Variants in TRA2B observed in about 807,000 individuals in gnomAD.
The protein encoded by TRA2B is transformer 2 beta homolog.
A neutral mutation model predicts 41.7 loss-of-function variants in TRA2B; 14 were observed. The ratio of observed to expected loss-of-function variants is 0.34; its 90% CI spans 0.22 to 0.53. TRA2B has a LOEUF of 0.53. TRA2B is among the 20% of genes least tolerant of loss of function. The pLI, the probability that TRA2B is intolerant of heterozygous loss-of-function variation, is 0.95. For synonymous variants in TRA2B, 130 were observed against 128.8 expected (o/e 1.01, Z -0.06); for missense variants, 167 against 396.8 (o/e 0.42, Z 4.92).
intron 4 of TRA2B, 97 bp downstream of exon 4, chr3:185,923,699 A>T: frequency 8.5e-7 from 1 of 1,180,144 alleles, no homozygotes; most frequent in Non-Finnish European, 1.2e-6. Flanking sequence ...TCGAAGTATT[A>T]CTGACTTGTC....
intron 1 of TRA2B, chr3:185,931,629 ATTTCT>A (rs1744156797): frequency 7.7e-7 from 1 of 1,293,528 alleles, no homozygotes; most frequent in Non-Finnish European, 9.8e-7. Context: ...CTTCATTTTT[ATTTCT>A]TTTCTTCATT....
intron 2 of TRA2B, among the ~76,000 whole-genome samples, chr3:185,926,350 T>C (rs1445121721): frequency 6.6e-6 from 1 of 152,182 alleles, no homozygotes; most frequent in African/African-American, 2.4e-5. Context: ...GTATTACTAA[T>C]TTGCCTTTTA....
chr3:185,931,725 C>A, intron 1 of TRA2B: 2 of 1,424,048 alleles, frequency 1.4e-6, no homozygotes, highest in South Asian at 3.0e-5. Flanking sequence ...GACTTCTGGT[C>A]TGATAATTAG....
chr3:185,930,733 A>G (rs373297462), intron 1 of TRA2B, among the ~76,000 whole-genome samples: 30 of 152,320 alleles, frequency 2.0e-4, no homozygotes, highest in Non-Finnish European at 3.2e-4. Context: ...GAATTTCTCA[A>G]TAAGTGCAAG....
At position 185,923,976 on chromosome 3, in the gene TRA2B, A is replaced by G. The variant is rs1743838545; in HGVS notation, c.342T>C (p.Pro114=). ...RRRHVGNRAN[P]DPNCCLGVFG... ...ATACTCCAAGACAACAGTTAGGATC[A>G]GGATTTGCCTAGGGAAAAAAAAAAG... is the stretch of plus-strand genomic sequence containing the variant. The change falls in exon 4 of 9, where the codon CCT becomes CCC. Residue 114 remains proline, a synonymous_variant. Coordinates refer to ENST00000453386, the MANE Select transcript of TRA2B (RefSeq NM_004593.3). 6.3e-7 allele frequency: 1 copy of G among 1,590,910 alleles called. No homozygotes were observed. Among genetic ancestry groups the G allele is most frequent in the East Asian group, 2.2e-5 (1 of 44,780 alleles).
rs780781209 is a variant in TRA2B, at chr3:185,915,122, C to T, written c.*2593G>A. On this transcript the variant is annotated 3_prime_UTR_variant, in exon 9 of 9. Coordinates refer to ENST00000453386, the MANE Select transcript of TRA2B (RefSeq NM_004593.3). ...AATCTGCTGTTGCTGATCTGACAGG[C>T]GGCGGAGCTCAGGCAATCCATGGCC... Among the ~76,000 whole-genome samples the T allele has an allele frequency of 7.2e-5, 11 of 152,138 alleles. No homozygotes were observed. Among genetic ancestry groups the T allele is most frequent in the African/African-American group, 1.7e-4 (7 of 41,444 alleles).
chr3:185,925,584 T>A lies in TRA2B; in HGVS notation c.213A>T (p.Ser71=). ...RRSSRRHYTR[S]RSRSRSHRRS... is the part of the protein sequence containing the mutation. ...GTCTATGGGAGCGGGAGCGAGACCG[T>A]GACCGGGTATAATGCCTTCGGGAGC... is the stretch of plus-strand genomic sequence containing the variant. Residue 71 remains serine (S), a synonymous_variant, in exon 3 of 9, where the codon TCA becomes TCT. Coordinates refer to ENST00000453386, the MANE Select transcript of TRA2B (RefSeq NM_004593.3). 1 of 1,614,144 alleles carries A rather than the reference T, an allele frequency of 6.2e-7. No individual in the cohort carries two copies. Among genetic ancestry groups the A allele is most frequent in the African/African-American group, 1.3e-5 (1 of 75,042 alleles).
At chr3:185,918,599 T>A (rs551012624) in intron 7 of TRA2B, among the ~76,000 whole-genome samples, 161 bp from the exon 8 acceptor site, 1 of 152,368 alleles carries the variant, frequency 6.6e-6, no homozygotes, top group East Asian at 1.9e-4. Flanking sequence ...AAGCACATTA[T>A]CAGGCCCAAG....
rs1401256733 is a variant in TRA2B at position 185,922,088 on chromosome 3, A to G, written c.561T>C (p.Arg187=). ...TTATAGAGAAATCAACTCTGATCCT[A>G]CGCCCATCAAGCTCCATTCCATTGG... ...ERANGMELDG[R]RIRVDFSITK... The change falls in exon 5 of 9, where the codon CGT becomes CGC. Residue 187 remains arginine (R), a synonymous_variant. Coordinates refer to ENST00000453386, the MANE Select transcript of TRA2B (RefSeq NM_004593.3). 3.7e-6 allele frequency: 6 copies of G among 1,613,706 alleles called. No individual in the cohort carries two copies. Among genetic ancestry groups the G allele is most frequent in the South Asian group, 2.2e-5 (2 of 90,994 alleles).
intron 1 of TRA2B, chr3:185,927,431 C>CA (rs1329155727): frequency 6.6e-6 from 1 of 152,188 alleles, no homozygotes; most frequent in Non-Finnish European, 1.5e-5. Flanking sequence ...GAGAGGGTGT[C>CA]AGAGATCCTC....
At chr3:185,934,654 AAAG>A (rs1744279116) in intron 1 of TRA2B, 2 of 985,382 alleles carry the variant, frequency 2.0e-6, no homozygotes, top group African/African-American at 3.5e-5. Flanking sequence ...AATTCTTTAG[AAAG>A]AAGTAGATTC....
chr3:185,924,016 A>G (rs2150114064), intron 3 of TRA2B, 32 bp from the exon 4 acceptor site: 1 of 1,571,016 alleles, frequency 6.4e-7, no homozygotes, highest in East Asian at 2.2e-5. Context: ...AAACTTTGGA[A>G]AAGTTGTCAT....
intron 1 of TRA2B, chr3:185,927,204 TTAC>T (rs1743984567): frequency 6.6e-6 from 1 of 152,330 alleles, no homozygotes; most frequent in African/African-American, 2.4e-5. Flanking sequence ...ACCTTTCAAG[TTAC>T]TACTTATAAT....
At chr3:185,935,712 A>G (rs1254312063) in intron 1 of TRA2B, 6 of 985,338 alleles carry the variant, frequency 6.1e-6, no homozygotes, top group South Asian at 9.4e-5. Flanking sequence ...AAGCTGTTCC[A>G]TTGAGCTTTA....
In TRA2B at chr3:185,914,621, A is replaced by G. The variant is rs1197338416; in HGVS notation, c.*3094T>C. Among the ~76,000 whole-genome samples the G allele has an allele frequency of 1.3e-5, 2 of 152,126 alleles. No individual in the cohort carries two copies. Among genetic ancestry groups the G allele is most frequent in the Non-Finnish European group, 2.9e-5 (2 of 68,036 alleles). On this transcript the variant is annotated 3_prime_UTR_variant, in exon 9 of 9. Coordinates refer to ENST00000453386, the MANE Select transcript of TRA2B (RefSeq NM_004593.3). Reference sequence around the variant, plus strand: ...ATTACACATAATAATCCTTTACACTATATACAATAATCCTTTACATTACTG... The same window carrying G: ...ATTACACATAATAATCCTTTACACTGTATACAATAATCCTTTACATTACTG...
intron 1 of TRA2B, chr3:185,934,412 A>G (rs1744268899): frequency 1.0e-6 from 1 of 985,436 alleles, no homozygotes; most frequent in Non-Finnish European, 1.2e-6. Flanking sequence ...CCTTTTGGCA[A>G]AACCAGTAGT....
rs1553776967 is a variant in TRA2B, at chr3:185,935,906, A to AC, written c.36+1918dup. ...CGAAGACTCTTATGTAAGAAAAAAA[A>AC]CTCAATTTTTAACACATTAAGTTAA... On this transcript the variant is annotated intron_variant, in intron 1 of 8. Coordinates refer to ENST00000453386, the MANE Select transcript of TRA2B (RefSeq NM_004593.3). 5.2e-5 allele frequency: 51 copies of AC among 985,384 alleles called. No homozygotes were observed. The African/African-American group carries it at 7.5e-4, about 14-fold the overall frequency. 61.0% of individuals were successfully genotyped at this position (985,384 alleles called of 1,614,324 possible). A position where few individuals can be genotyped will look rare whatever the true frequency, so the allele number is the denominator to read the frequency against.
intron 6 of TRA2B, among the ~76,000 whole-genome samples, chr3:185,919,811 T>C (rs1161798499): frequency 6.6e-6 from 1 of 152,134 alleles, no homozygotes; most frequent in African/African-American, 2.4e-5. Flanking sequence ...AAAAAAGGGT[T>C]TTCATGGGTG....
At chr3:185,935,688 G>C in intron 1 of TRA2B, 2 of 985,390 alleles carry the variant, frequency 2.0e-6, no homozygotes, top group Non-Finnish European at 1.2e-6. Flanking sequence ...TACACCACAG[G>C]CATGTCTAAG....
Sources: gnomAD v4.1 joint callset for allele counts (sites outside exome capture counted in the v4.1 genomes callset) on GRCh38, gnomAD v4.1.1 for gene constraint, MANE v1.5 for transcripts, NCBI Gene and HGNC (gene_info 2026-07-23, HGNC 2026-07-21) for gene names.